The following PPME1 variants were observed in gnomAD, a reference collection of about 807,000 sequenced individuals.
PPME1 encodes the protein protein phosphatase methylesterase 1.
A neutral mutation model predicts 56.9 loss-of-function variants in PPME1; 17 were observed. The observed-to-expected ratio is 0.30, with a 90% CI of 0.20 to 0.45. The LOEUF (loss-of-function observed/expected upper bound fraction) is 0.45, where lower values mean the gene tolerates loss of function less well. Ranked by LOEUF, PPME1 falls within the 20% of genes least tolerant of loss-of-function variation. The pLI is 1.00. For synonymous variants in PPME1, 122 were observed against 156.2 expected (o/e 0.78, Z 1.63); for missense variants, 357 against 483.2 (o/e 0.74, Z 2.45).
At chr11:74,180,040 C>G (rs901854443) in intron 1 of PPME1, among the ~76,000 whole-genome samples, 4 of 152,160 alleles carry the variant, frequency 2.6e-5, no homozygotes, top group Admixed American at 2.6e-4. Context: ...TGTGTTATTC[C>G]TATTTAGATT....
At chr11:74,212,181 C>T (rs1333143692) in intron 3 of PPME1, among the ~76,000 whole-genome samples, 3 of 152,184 alleles carry the variant, frequency 2.0e-5, no homozygotes, top group Non-Finnish European at 2.9e-5. Context: ...GAGAGAGAAT[C>T]TGTGTGCTTG....
rs1857429447 is a variant in PPME1, at chr11:74,177,487, A to G, written c.101+5965A>G. Among the ~76,000 whole-genome samples the G allele has an allele frequency of 2.0e-5, 3 of 152,282 alleles. No individual in the cohort carries two copies. The South Asian group carries it at 6.2e-4, about 32-fold the overall frequency. ...AAAGTCTTCTTTCTCACTGATTAAA[A>G]TGACACCTTTGTCATATGCCAAATT... On this transcript the variant is annotated intron_variant, in intron 1 of 13. Coordinates refer to ENST00000328257, the MANE Select transcript of PPME1 (RefSeq NM_016147.3).
At position 74,254,535 on chromosome 11, in the gene PPME1, C is replaced by T. The variant is rs1485831902; in HGVS notation, c.*1025C>T. 1.3e-5 allele frequency: 2 copies of T among 153,118 alleles called. No homozygotes were observed. Among genetic ancestry groups the T allele is most frequent in the Admixed American group, 1.3e-4 (2 of 15,286 alleles). The allele number at this position is 153,118 out of a possible 1,614,324, so 9.5% of individuals were successfully genotyped here. ...TCCAAGGGCAGGAAGGGGCAGTGTC[C>T]TGAAGCCCATCTTTTCTGTGACTGT... On this transcript the variant is annotated 3_prime_UTR_variant, in exon 14 of 14. Coordinates refer to ENST00000328257, the MANE Select transcript of PPME1 (RefSeq NM_016147.3).
chr11:74,216,134 T>C (rs994540025), intron 3 of PPME1, among the ~76,000 whole-genome samples: 1 of 152,206 alleles, frequency 6.6e-6, no homozygotes, highest in Non-Finnish European at 1.5e-5. Context: ...CTGCACTATA[T>C]ATCAAATGGA....
intron 1 of PPME1, among the ~76,000 whole-genome samples, chr11:74,177,049 T>C (rs1857417538): frequency 2.0e-5 from 3 of 152,152 alleles, no homozygotes; most frequent in Admixed American, 6.5e-5. Flanking sequence ...AAGTTTATCT[T>C]GATATGCAAA....
chr11:74,243,535 T>C (rs1424820546), intron 9 of PPME1: 1 of 152,102 alleles, frequency 6.6e-6, no homozygotes, highest in Admixed American at 6.5e-5. Context: ...CAGGTTGAAA[T>C]GGCAGTAAGT....
rs544870645 is a variant in PPME1 at position 74,244,490 on chromosome 11, T to A, written c.835-1586T>A. On this transcript the variant is annotated intron_variant, in intron 9 of 13. Coordinates refer to ENST00000328257, the MANE Select transcript of PPME1 (RefSeq NM_016147.3). ...GGTGAGGTGGTATCTCATTGTGGTG[T>A]TGCTGTGCATTTATTTATTGATTAG... 5.9e-5 allele frequency among the ~76,000 whole-genome samples: 9 copies of A among 152,334 alleles called. No individual in the cohort carries two copies. In the South Asian group the frequency reaches 1.9e-3, roughly 32 times the overall value.
At chr11:74,181,690 T>C (rs1240777677) in intron 1 of PPME1, among the ~76,000 whole-genome samples, 1 of 152,224 alleles carries the variant, frequency 6.6e-6, no homozygotes, top group Non-Finnish European at 1.5e-5. Context: ...TTCTGAGGCT[T>C]TTTCTGATCA....
intron 1 of PPME1, among the ~76,000 whole-genome samples, chr11:74,175,958 A>G (rs1472434285): frequency 1.3e-5 from 2 of 152,232 alleles, no homozygotes; most frequent in African/African-American, 2.4e-5. Flanking sequence ...TGAAGTGACA[A>G]AGATCTAAGT....
chr11:74,203,756 G>T lies in PPME1; in HGVS notation c.130G>T (p.Val44Phe). 3 of 1,611,884 alleles carry T rather than the reference G, an allele frequency of 1.9e-6. No homozygotes were observed. Among genetic ancestry groups the T allele is most frequent in the African/African-American group, 1.3e-5 (1 of 74,862 alleles). Residue 44 changes from valine (V) to phenylalanine (F), a missense_variant, in exon 2 of 14, where the codon GTT (valine) becomes TTT (phenylalanine). By Grantham distance (50) the Val-to-Phe change is conservative (BLOSUM62 -1). Coordinates refer to ENST00000328257, the MANE Select transcript of PPME1 (RefSeq NM_016147.3). The stretch of plus-strand genomic sequence containing the variant: ...TGGAAGAAAGCGGGACTTTTCCCCT[G>T]TTCCTTGGAGTCAGTATTTTGAGTC... The part of the protein sequence containing the change: ...GPGRKRDFSP[V>F]PWSQYFESME...
At chr11:74,215,739 A>G (rs1858622579) in intron 3 of PPME1, among the ~76,000 whole-genome samples, 2 of 152,180 alleles carry the variant, frequency 1.3e-5, no homozygotes, top group South Asian at 4.1e-4. Flanking sequence ...AACAAGACCC[A>G]CTGACCTGTT....
chr11:74,181,983 C>G (rs1857551888), intron 1 of PPME1, among the ~76,000 whole-genome samples: 1 of 152,214 alleles, frequency 6.6e-6, no homozygotes, highest in South Asian at 2.1e-4. Context: ...CCCTGCCCTC[C>G]ACCTTTTAAA....
chr11:74,177,904 CTT>C (rs1174083023), intron 1 of PPME1, among the ~76,000 whole-genome samples: 2 of 152,146 alleles, frequency 1.3e-5, no homozygotes, highest in African/African-American at 4.8e-5. Context: ...CAATAGTACT[CTT>C]AAATAATTGT....
chr11:74,252,294 G>C, intron 13 of PPME1: 1 of 293,100 alleles, frequency 3.4e-6, no homozygotes, highest in Middle Eastern at 1.3e-3. Context: ...CTCCATGTTG[G>C]CCAGGCTGGT....
At chr11:74,252,251 G>GTTTTTTTTTTTT (rs1249533305) in intron 13 of PPME1, among the ~76,000 whole-genome samples, 4 of 118,462 alleles carry the variant, frequency 3.4e-5, no homozygotes, top group Non-Finnish European at 7.3e-5. Context: ...TTTTTTTTTT[G>GTTTTTTTTTTTT]TTTTTTTTTT....
intron 11 of PPME1, 87 bp from the exon 12 acceptor site, chr11:74,250,867 G>T: frequency 8.5e-7 from 1 of 1,173,268 alleles, no homozygotes; most frequent in Admixed American, 2.0e-5. Flanking sequence ...GGGGAGGTAG[G>T]TCCTGGGCTC....
chr11:74,179,131 T>C lies in PPME1; in HGVS notation c.101+7609T>C, dbSNP rs186751422. On this transcript the variant is annotated intron_variant, in intron 1 of 13. Transcript: ENST00000328257. ...ACTTATCAGTCCTTTTCCTATATGC[T>C]TCTGTGTGTGTTTTTGGCCATAGAC... 2.6e-4 allele frequency among the ~76,000 whole-genome samples: 40 copies of C among 152,352 alleles called. No individual in the cohort carries two copies. The East Asian group carries it at 6.7e-3, about 26-fold the overall frequency.
intron 8 of PPME1, among the ~76,000 whole-genome samples, chr11:74,236,219 C>T (rs1014924926): frequency 3.3e-5 from 5 of 152,034 alleles, no homozygotes; most frequent in African/African-American, 1.2e-4. Context: ...CAAAACTCTG[C>T]GTGTTAAAAA....
intron 1 of PPME1, among the ~76,000 whole-genome samples, chr11:74,181,299 C>T (rs954669175): frequency 3.3e-4 from 50 of 151,788 alleles, no homozygotes; most frequent in Non-Finnish European, 4.7e-4. Context: ...CCACCCGCCT[C>T]GGCCTCCCAA....
Sources: gnomAD v4.1 joint callset for allele counts (sites outside exome capture counted in the v4.1 genomes callset) on GRCh38, gnomAD v4.1.1 for gene constraint, MANE v1.5 for transcripts, NCBI Gene and HGNC (gene_info 2026-07-23, HGNC 2026-07-21) for gene names.